PDZD2: variants seen among roughly 807,000 people sequenced by gnomAD.
PDZD2 encodes the protein PDZ domain containing 2, also known as PDZ domain-containing protein 2.
In PDZD2, 90 loss-of-function variants were observed where a neutral mutation model predicts 220.7. The observed-to-expected ratio is 0.41, with a 90% confidence interval of 0.34 to 0.49. The LOEUF is 0.49. Among genes scored for constraint, PDZD2 ranks in the 20% least tolerant of loss-of-function variants. The pLI, the probability that PDZD2 is intolerant of heterozygous loss-of-function variation, is 0.28. For missense variants in PDZD2, 3,174 were observed against 3,608.5 expected (o/e 0.88, Z 3.08); for synonymous variants, 1,375 against 1,450.5 (o/e 0.95, Z 1.18).
intron 7 of PDZD2, among the ~76,000 whole-genome samples, chr5:32,047,248 C>T (rs10472198): frequency 0.022 from 3,288 of 152,032 alleles, 119 homozygotes; most frequent in African/African-American, 0.076. Flanking sequence ...AAATGAATAC[C>T]GTCATATTTT....
intron 2 of PDZD2, among the ~76,000 whole-genome samples, chr5:31,915,090 T>TCCC (rs1743565063): frequency 6.6e-6 from 1 of 152,176 alleles, no homozygotes; most frequent in Non-Finnish European, 1.5e-5. Context: ...TTGGATACCG[T>TCCC]TACTTTCTAA....
chr5:31,794,002 A>G (rs1240836702), intron 1 of PDZD2, among the ~76,000 whole-genome samples: 2 of 152,124 alleles, frequency 1.3e-5, no homozygotes, highest in African/African-American at 2.4e-5. Context: ...TGGCCATATT[A>G]GTTTGAAGCA....
chr5:32,073,609 G>GGGT (rs1554037787), intron 17 of PDZD2, among the ~76,000 whole-genome samples: 1 of 147,706 alleles, frequency 6.8e-6, no homozygotes, highest in East Asian at 2.2e-4. Context: ...GAAAAGGGCG[G>GGGT]GGGGGGTAGG....
chr5:31,892,213 A>G (rs1423384320), intron 2 of PDZD2, among the ~76,000 whole-genome samples: 1 of 151,886 alleles, frequency 6.6e-6, no homozygotes, highest in African/African-American at 2.4e-5. Flanking sequence ...CCTGGCCCCA[A>G]ACTCTTAACA....
intron 2 of PDZD2, among the ~76,000 whole-genome samples, chr5:31,826,190 G>A (rs546823187): frequency 5.9e-5 from 9 of 152,244 alleles, no homozygotes; most frequent in Non-Finnish European, 1.2e-4. Flanking sequence ...AGATAATCGT[G>A]TTGGTTTCAT....
At chr5:32,093,215 C>T (rs1268607790) in intron 21 of PDZD2, among the ~76,000 whole-genome samples, 191 bp downstream of exon 21, 6 of 152,194 alleles carry the variant, frequency 3.9e-5, no homozygotes, top group Admixed American at 6.5e-5. Context: ...AGAAGCTAGA[C>T]CTTGTCTTGA....
In PDZD2 at chr5:31,956,785, A is replaced by AAG. The variant is rs1312632845; in HGVS notation, c.477-26370_477-26369insAG. Among the ~76,000 whole-genome samples the AAG allele has an allele frequency of 3.2e-3, 449 of 140,356 alleles. 6 individuals carry two copies. Among genetic ancestry groups the AAG allele is most frequent in the African/African-American group, 0.011 (427 of 37,266 alleles). 92.1% of individuals were successfully genotyped at this position (140,356 alleles called of 152,430 possible). ...AAAAAAAAAAAAAAAAAAAAAAAAA[A>AAG]GGGACAAAGAGGAAACTGATTTCCT... On this transcript the variant is annotated intron_variant, in intron 2 of 24. Coordinates refer to ENST00000438447, the MANE Select transcript of PDZD2 (RefSeq NM_178140.4).
In PDZD2 at chr5:31,803,261, CTTTTTTTT is replaced by C. The variant is rs759569783; in HGVS notation, c.476+3552_476+3559del. ...TGCAGGTGTGCACCACTGCATCTGG[CTTTTTTTT>C]TTTTTTTTTTTTTTGTAGAGATGGT... is the stretch of plus-strand genomic sequence containing the variant. On this transcript the variant is annotated intron_variant, in intron 2 of 24. Transcript: ENST00000438447. 3.3e-5 allele frequency among the ~76,000 whole-genome samples: 3 copies of C among 92,246 alleles called. No individual in the cohort carries two copies. The East Asian group carries it at 1.3e-3, about 39-fold the overall frequency. 60.5% of individuals were successfully genotyped at this position (92,246 alleles called of 152,430 possible).
chr5:31,943,592 A>T (rs1302860481), intron 2 of PDZD2, among the ~76,000 whole-genome samples: 1 of 152,254 alleles, frequency 6.6e-6, no homozygotes, highest in Non-Finnish European at 1.5e-5. Flanking sequence ...AGAGGGTTTA[A>T]TCCAAAGGAC....
chr5:31,947,142 G>C (rs903482412), intron 2 of PDZD2, among the ~76,000 whole-genome samples: 1 of 152,132 alleles, frequency 6.6e-6, no homozygotes, highest in Non-Finnish European at 1.5e-5. Context: ...GGTGCCCCTC[G>C]GTTTAGAGGG....
chr5:31,854,918 G>GC, intron 2 of PDZD2: 2 of 958,282 alleles, frequency 2.1e-6, no homozygotes, highest in Non-Finnish European at 2.5e-6. Flanking sequence ...AGGGAGGAGG[G>GC]GGGGGTCCTC....
chr5:31,755,422 G>A (rs1751251605), intron 1 of PDZD2, among the ~76,000 whole-genome samples: 1 of 152,166 alleles, frequency 6.6e-6, no homozygotes, highest in Non-Finnish European at 1.5e-5. Flanking sequence ...CGCTTGCACA[G>A]TTTGAAGGTA....
intron 1 of PDZD2, among the ~76,000 whole-genome samples, chr5:31,701,702 A>AT (rs1747616372): frequency 6.6e-6 from 1 of 152,182 alleles, no homozygotes; most frequent in African/African-American, 2.4e-5. Context: ...GATGCCACAC[A>AT]TTTGCATCTG....
intron 12 of PDZD2, among the ~76,000 whole-genome samples, chr5:32,058,458 C>T (rs1398109377): frequency 1.3e-5 from 2 of 151,330 alleles, no homozygotes; most frequent in East Asian, 3.9e-4. Flanking sequence ...CACCTGAGGT[C>T]AGGAGTTTGA....
intron 2 of PDZD2, among the ~76,000 whole-genome samples, chr5:31,885,279 G>C (rs987312157): frequency 1.3e-5 from 2 of 151,244 alleles, no homozygotes; most frequent in Non-Finnish European, 2.9e-5. Context: ...TTTAGACAAT[G>C]TTAGAATTAA....
At chr5:31,660,103 C>T (rs2150111306) in intron 1 of PDZD2, among the ~76,000 whole-genome samples, 1 of 152,314 alleles carries the variant, frequency 6.6e-6, no homozygotes, top group African/African-American at 2.4e-5. Flanking sequence ...TAAGCCACTG[C>T]TTTCCACTTG....
At chr5:31,779,140 C>G (rs1752901757) in intron 1 of PDZD2, among the ~76,000 whole-genome samples, 1 of 152,078 alleles carries the variant, frequency 6.6e-6, no homozygotes, top group African/African-American at 2.4e-5. Context: ...CTGCCCCAAA[C>G]TACACCTGTA....
chr5:31,836,810 G>A (rs1348676680), intron 2 of PDZD2, among the ~76,000 whole-genome samples: 1 of 152,040 alleles, frequency 6.6e-6, no homozygotes, highest in Non-Finnish European at 1.5e-5. Context: ...CCTGAGGTCA[G>A]GAGTTCAAGA....
chr5:32,032,376 C>G (rs1280679631), intron 6 of PDZD2, among the ~76,000 whole-genome samples: 1 of 152,172 alleles, frequency 6.6e-6, no homozygotes, highest in African/African-American at 2.4e-5. Context: ...GGAATCAGAC[C>G]TGTGTAAATC....
Sources: allele counts gnomAD v4.1 joint callset (sites outside exome capture counted in the v4.1 genomes callset), GRCh38; gene constraint gnomAD v4.1.1; transcripts MANE v1.5; gene names NCBI Gene and HGNC (gene_info 2026-07-23, HGNC 2026-07-21).